Variants in ABR observed in about 807,000 individuals in gnomAD.
ABR encodes ABR activator of RhoGEF and GTPase.
In ABR, 35 loss-of-function variants were observed where a neutral mutation model predicts 107.2. The ratio of observed to expected loss-of-function variants is 0.33; its 90% CI spans 0.25 to 0.43. The LOEUF (loss-of-function observed/expected upper bound fraction) is 0.43, where lower values mean the gene tolerates loss of function less well. Among genes scored for constraint, ABR ranks in the 20% least tolerant of loss-of-function variants. The pLI, the probability that ABR is intolerant of heterozygous loss-of-function variation, is 1.00. For synonymous variants in ABR, 498 were observed against 462.0 expected, an observed-to-expected ratio of 1.08 and a Z score of -1.00; for missense variants, 815 against 1,115.2, an observed-to-expected ratio of 0.73 and a Z score of 3.83.
intron 1 of ABR, among the ~76,000 whole-genome samples, chr17:1,132,981 G>A (rs747491494): frequency 4.6e-5 from 7 of 152,146 alleles, no homozygotes; most frequent in Admixed American, 1.3e-4. Context: ...AGTGGCTCAC[G>A]CCTGTAACCC....
At chr17:1,158,535 G>T (rs533511670) in intron 1 of ABR, among the ~76,000 whole-genome samples, 5 of 152,088 alleles carry the variant, frequency 3.3e-5, no homozygotes, top group African/African-American at 1.2e-4. Flanking sequence ...GGCCGAGACA[G>T]GCAGATCGCC....
intron 16 of ABR, among the ~76,000 whole-genome samples, chr17:1,044,861 G>A (rs746465910): frequency 1.3e-5 from 2 of 152,118 alleles, no homozygotes; most frequent in Non-Finnish European, 2.9e-5. Flanking sequence ...CGGAGCCTGC[G>A]CACCTTGCTG....
rs565452750 is a variant in ABR at position 1,014,357 on chromosome 17, C to T, written c.1792-1193G>A. Among the ~76,000 whole-genome samples, 458 of 132,088 alleles carry T rather than the reference C, an allele frequency of 3.5e-3. 5 individuals are homozygous for T. Among genetic ancestry groups the T allele is most frequent in the African/African-American group, 0.013 (441 of 34,632 alleles). The allele number at this position is 132,088 out of a possible 152,430, so 86.7% of individuals were successfully genotyped here. A position where few individuals can be genotyped will look rare whatever the true frequency, so the allele number is the denominator to read the frequency against. ...TTGGGAGGCTGAGGCAGGAGAATAGCGTGAACCCGGGAGGCAGAGCTTGCA... is the reference window on the plus strand; with the variant it reads ...TTGGGAGGCTGAGGCAGGAGAATAGTGTGAACCCGGGAGGCAGAGCTTGCA... On this transcript the variant is annotated intron_variant, in intron 16 of 22. Transcript: ENST00000302538.
At chr17:1,080,653 G>C (rs1417869420) in intron 5 of ABR, among the ~76,000 whole-genome samples, 1 of 151,910 alleles carries the variant, frequency 6.6e-6, no homozygotes, top group African/African-American at 2.4e-5. Context: ...TGCTTGGTCT[G>C]CAGGGGAGGA....
chr17:1,213,670 C>A (rs1306161381), intron 1 of ABR, among the ~76,000 whole-genome samples: 2 of 152,060 alleles, frequency 1.3e-5, no homozygotes, highest in East Asian at 3.9e-4. Context: ...GGATTACAGG[C>A]GTGAGGCACC....
At position 1,179,634 on chromosome 17, in the gene ABR, T is replaced by C. The variant is rs200067955; in HGVS notation, c.61+33A>G. On this transcript the variant is annotated intron_variant, in intron 1 of 22. Coordinates refer to ENST00000302538, the MANE Select transcript of ABR (RefSeq NM_021962.5). The surrounding 1 kb of genome is among the most constrained non-coding windows in gnomAD (Gnocchi z 4.9). Reference sequence around the variant, plus strand: ...CTCCATCCTGGGGTCCCGATCCCGATCCTGGGGTCCCGCCCCCGCCCGGCA... The same window carrying C: ...CTCCATCCTGGGGTCCCGATCCCGACCCTGGGGTCCCGCCCCCGCCCGGCA... 6.7e-7 allele frequency: 1 copy of C among 1,495,250 alleles called. No individual in the cohort carries two copies. The highest frequency in any genetic ancestry group is 2.7e-5 in the East Asian group (1 of 36,586). The allele number at this position is 1,495,250 out of a possible 1,614,324, so 92.6% of individuals were successfully genotyped here.
chr17:1,228,309 G>A (rs1006260998), intron 1 of ABR: 1 of 152,452 alleles, frequency 6.6e-6, no homozygotes, highest in Non-Finnish European at 1.5e-5. Context: ...CTGGAGAAGA[G>A]GAGACTAAGT....
chr17:1,077,676 G>C (rs1024025119), intron 6 of ABR, among the ~76,000 whole-genome samples: 1 of 152,118 alleles, frequency 6.6e-6, no homozygotes, highest in South Asian at 2.1e-4. Flanking sequence ...TCTCTCTTCC[G>C]GCAAGCCACC....
chr17:1,191,417 G>C (rs1413926696), upstream of ABR, among the ~76,000 whole-genome samples: 1 of 140,328 alleles, frequency 7.1e-6, no homozygotes, highest in Non-Finnish European at 1.5e-5. Context: ...GAGTGCAGTG[G>C]CGCAATCTCA....
At chr17:1,016,411 G>A (rs1490327103) in intron 16 of ABR, among the ~76,000 whole-genome samples, 3 of 151,676 alleles carry the variant, frequency 2.0e-5, no homozygotes, top group Admixed American at 2.0e-4. Flanking sequence ...CCACCTCCCG[G>A]GTTCAAGTGA....
chr17:1,122,397 G>A (rs1295537766), intron 2 of ABR, among the ~76,000 whole-genome samples: 1 of 152,196 alleles, frequency 6.6e-6, no homozygotes, highest in East Asian at 1.9e-4. Context: ...TTGGTGGACT[G>A]AGTAAAAAGA....
intron 2 of ABR, among the ~76,000 whole-genome samples, chr17:1,114,169 C>A (rs866292245): frequency 3.2e-4 from 42 of 131,470 alleles, no homozygotes; most frequent in African/African-American, 4.9e-4. Flanking sequence ...GACCCTGTCT[C>A]AAAAAAAAAA....
rs118132338 is a variant in ABR, at chr17:1,128,668, A to C, written c.62-3301T>G. Among the ~76,000 whole-genome samples the C allele has an allele frequency of 5.0e-3, 760 of 152,348 alleles. 4 individuals carry two copies. The highest frequency in any genetic ancestry group is 0.021 in the South Asian group (99 of 4,828). On this transcript the variant is annotated intron_variant, in intron 1 of 22. Transcript: ENST00000302538. Reference sequence around the variant, plus strand: ...TGGGATGGCTGGAGCCCCAGCAGCCATCCTGAACCATGAGGTGAGCTGAGG... The same window carrying C: ...TGGGATGGCTGGAGCCCCAGCAGCCCTCCTGAACCATGAGGTGAGCTGAGG...
intron 13 of ABR, 53 bp from the exon 14 acceptor site, chr17:1,056,162 C>T (rs532251674): frequency 5.9e-6 from 9 of 1,525,754 alleles, no homozygotes; most frequent in African/African-American, 2.7e-5. Flanking sequence ...ATCCCCTCAG[C>T]CTCCACCCCA....
intron 4 of ABR, among the ~76,000 whole-genome samples, chr17:1,087,255 C>A (rs55934524): frequency 0.051 from 7,730 of 152,302 alleles, 283 homozygotes; most frequent in African/African-American, 0.094. Flanking sequence ...CCACCCCGGA[C>A]CACTCTGCTT....
intron 1 of ABR, among the ~76,000 whole-genome samples, chr17:1,133,869 A>T (rs1233963604): frequency 4.6e-5 from 7 of 152,246 alleles, no homozygotes; most frequent in Middle Eastern, 3.2e-3. Flanking sequence ...CAAGTGAAGC[A>T]TGCTGGGACC....
At chr17:1,128,265 G>A (rs1047081451) in intron 1 of ABR, among the ~76,000 whole-genome samples, 18 of 152,242 alleles carry the variant, frequency 1.2e-4, no homozygotes, top group African/African-American at 4.3e-4. Flanking sequence ...AACCCTGGGG[G>A]AGGAAGATGG....
intron 21 of ABR, among the ~76,000 whole-genome samples, chr17:1,009,243 G>A (rs947919268): frequency 7.1e-5 from 4 of 56,050 alleles, no homozygotes; most frequent in African/African-American, 4.4e-4. Context: ...ATTCCCCACT[G>A]CTGTCCACCC....
chr17:1,041,710 C>T (rs138165580), intron 16 of ABR, among the ~76,000 whole-genome samples: 15 of 152,044 alleles, frequency 9.9e-5, no homozygotes, highest in Non-Finnish European at 1.6e-4. Context: ...TCAGCCTGGG[C>T]GACAGAGAGA....
Sources: gnomAD v4.1 joint callset for allele counts (sites outside exome capture counted in the v4.1 genomes callset) on GRCh38, gnomAD v4.1.1 for gene constraint, Gnocchi (gnomAD v3.1) non-coding constraint, MANE v1.5 for transcripts, NCBI Gene and HGNC (gene_info 2026-07-23, HGNC 2026-07-21) for gene names.